The following NOX5 variants were observed in gnomAD, a reference collection of about 807,000 sequenced individuals.
NOX5 encodes NADPH oxidase, EF-hand calcium binding domain 5.
A neutral mutation model predicts 85.7 loss-of-function variants in NOX5; 76 were observed. That is an observed-to-expected ratio of 0.89 (90% CI 0.74 to 1.07). The LOEUF (loss-of-function observed/expected upper bound fraction) is 1.07. NOX5 is among the 50% of genes least tolerant of loss of function. The pLI, the probability that NOX5 is intolerant of heterozygous loss-of-function variation, is 0.00. For synonymous variants in NOX5, 405 were observed against 401.4 expected (o/e 1.01, Z -0.11); for missense variants, 973 against 999.5 (o/e 0.97, Z 0.36).
rs1470648266 is a variant in NOX5, at chr15:69,028,212, C to T, written c.175-3C>T. 5 of 1,596,006 alleles carry T rather than the reference C, an allele frequency of 3.1e-6. No individual in the cohort carries two copies. Among genetic ancestry groups the T allele is most frequent in the Admixed American group, 1.7e-5 (1 of 57,814 alleles). On this transcript the variant is annotated splice_region_variant and splice_polypyrimidine_tract_variant and intron_variant, in intron 2 of 15. Coordinates refer to ENST00000388866, the MANE Select transcript of NOX5 (RefSeq NM_024505.4). Reference sequence around the variant, plus strand: ...TGCTGTCTTCCACCCTTCTCGCCCACAGTCCTTCTTTGCAGAGCGATTCTT... The same window carrying T: ...TGCTGTCTTCCACCCTTCTCGCCCATAGTCCTTCTTTGCAGAGCGATTCTT...
intron 4 of NOX5, 44 bp from the exon 5 acceptor site, chr15:69,032,999 C>G (rs755496702): frequency 1.3e-6 from 2 of 1,523,450 alleles, no homozygotes; most frequent in Admixed American, 2.3e-5. Context: ...CAGGTGGTCC[C>G]CGCCCCACCG....
Position 69,031,772 on chromosome 15 carries a change from C to T in NOX5, c.580C>T (p.Leu194=). The T allele has an allele frequency of 6.2e-7, 1 of 1,606,742 alleles. No homozygotes were observed. ...AITFEELRDE[L]QRFPGVMENL... ...CACCTTCGAGGAGCTCCGGGACGAG[C>T]TGCAGCGCTTCCCCGGAGTCATGGA... The change falls in exon 4 of 16, where the codon CTG becomes TTG. Residue 194 remains leucine, a synonymous_variant. Transcript: ENST00000388866.
At chr15:69,043,704 C>T (rs918417051) in intron 10 of NOX5, 7 of 152,192 alleles carry the variant, frequency 4.6e-5, no homozygotes, top group Non-Finnish European at 1.5e-5. Context: ...CTTTCAAAAT[C>T]AGATGAGTCA....
In NOX5 at chr15:69,028,121, C is replaced by T. The variant is rs1295050566; in HGVS notation, c.175-94C>T. ...ACCGCCACTCTGTGGTGCACCCCCC[C>T]ACCACCACCCCAGACACAGGGAGAC... On this transcript the variant is annotated intron_variant, in intron 2 of 15. Coordinates refer to ENST00000388866, the MANE Select transcript of NOX5 (RefSeq NM_024505.4). 6 of 1,379,516 alleles carry T rather than the reference C, an allele frequency of 4.3e-6. No homozygotes were observed. The Admixed American group carries it at 7.0e-5, about 16-fold the overall frequency. 85.5% of individuals were successfully genotyped at this position (1,379,516 alleles called of 1,614,324 possible).
intron 11 of NOX5, 124 bp from the exon 12 acceptor site, chr15:69,047,289 T>C: frequency 7.6e-7 from 1 of 1,315,044 alleles, no homozygotes; most frequent in Non-Finnish European, 1.0e-6. Context: ...TAGACCTGGC[T>C]TCCAGCCCAG....
chr15:69,048,158 G>T lies in NOX5; in HGVS notation c.1899+247G>T, dbSNP rs311929. The stretch of plus-strand genomic sequence containing the variant: ...TGTTCTTAACATTTCATTAAATGTT[G>T]CAAAGCTTGACAGCTAGGCAGTCTG... On this transcript the variant is annotated intron_variant, in intron 13 of 15. Transcript: ENST00000388866. Among the ~76,000 whole-genome samples, 1,154 of 152,360 alleles carry T rather than the reference G, an allele frequency of 7.6e-3. 10 individuals are homozygous for T. Among genetic ancestry groups the T allele is most frequent in the African/African-American group, 0.025 (1,036 of 41,570 alleles).
At position 69,061,213 on chromosome 15, in the gene NOX5, G is replaced by C. The variant is rs1279385124; in HGVS notation, c.*4517G>C. On this transcript the variant is annotated 3_prime_UTR_variant, in exon 16 of 16. Coordinates refer to ENST00000388866, the MANE Select transcript of NOX5 (RefSeq NM_024505.4). ...CCTGAATATTGATTTGGTATCAAGT[G>C]AAAGTATTTCGGGCCTAAGCCAGGG... 2 of 152,266 alleles carry C rather than the reference G, an allele frequency of 1.3e-5. No individual in the cohort carries two copies. Among genetic ancestry groups the C allele is most frequent in the Non-Finnish European group, 2.9e-5 (2 of 68,044 alleles). The allele number at this position is 152,266 out of a possible 1,614,324, so 9.4% of individuals were successfully genotyped here.
At position 69,037,026 on chromosome 15, in the gene NOX5, A is replaced by AG. The variant is rs755562120; in HGVS notation, c.1189dup. The AG allele has an allele frequency of 6.3e-7, 1 of 1,584,086 alleles. No individual in the cohort carries two copies. The highest frequency in any genetic ancestry group is 8.6e-7 in the Non-Finnish European group (1 of 1,162,534). ...AGTTGACTGCCCCCCCTACCCCCATAGGTGTTCTATTGGACTCACCTGTCC... is the reference window on the plus strand; with the variant it reads ...AGTTGACTGCCCCCCCTACCCCCATAGGGTGTTCTATTGGACTCACCTGTCC... On this transcript the variant is annotated splice_acceptor_variant, in intron 7 of 15. Coordinates refer to ENST00000388866, the MANE Select transcript of NOX5 (RefSeq NM_024505.4). LOFTEE classifies it high-confidence loss of function.
chr15:69,026,773 C>A, intron 2 of NOX5, 122 bp downstream of exon 2: 3 of 1,331,874 alleles, frequency 2.3e-6, no homozygotes, highest in Admixed American at 2.1e-5. Flanking sequence ...CACCTTGTAG[C>A]GGGCTGGCGG....
chr15:69,039,538 G>C (rs2050568113), intron 9 of NOX5, among the ~76,000 whole-genome samples: 1 of 152,208 alleles, frequency 6.6e-6, no homozygotes, highest in African/African-American at 2.4e-5. Context: ...CAGATGGATG[G>C]AGCAGCCAAT....
At chr15:69,017,092 A>G (rs1267965181) in intron 1 of NOX5, among the ~76,000 whole-genome samples, 1 of 152,152 alleles carries the variant, frequency 6.6e-6, no homozygotes, top group Non-Finnish European at 1.5e-5. Context: ...TGAATGACGA[A>G]ACCTTGGTCT....
At position 69,031,620 on chromosome 15, in the gene NOX5, C is replaced by T. The variant is rs775578798; in HGVS notation, c.428C>T (p.Pro143Leu). 1 of 1,613,314 alleles carries T rather than the reference C, an allele frequency of 6.2e-7. No individual in the cohort carries two copies. The highest frequency in any genetic ancestry group is 8.5e-7 in the Non-Finnish European group (1 of 1,180,004). ...GGGACAGGCAGTGGCTCCATTGACCCGGATGAGCTGCGCACTGTGCTGCAG... is the reference window on the plus strand; with the variant it reads ...GGGACAGGCAGTGGCTCCATTGACCTGGATGAGCTGCGCACTGTGCTGCAG... ...PLGTGSGSIDPDELRTVLQSC... is the reference protein window; with the variant it reads ...PLGTGSGSIDLDELRTVLQSC... Residue 143 changes from proline (P) to leucine (L), a missense_variant, in exon 4 of 16, where the codon CCG becomes CTG. By Grantham distance (98) the Pro-to-Leu change is moderately conservative. Transcript: ENST00000388866.
At chr15:69,032,997 C>A in intron 4 of NOX5, 46 bp from the exon 5 acceptor site, 1 of 1,522,176 alleles carries the variant, frequency 6.6e-7, no homozygotes, top group Non-Finnish European at 8.7e-7. Flanking sequence ...CACAGGTGGT[C>A]CCCGCCCCAC....
chr15:69,021,625 T>C lies in NOX5; in HGVS notation c.51-4903T>C, dbSNP rs311909. 8.7e-3 allele frequency among the ~76,000 whole-genome samples: 1,332 copies of C among 152,316 alleles called. 18 individuals carry two copies. Among genetic ancestry groups the C allele is most frequent in the African/African-American group, 0.029 (1,204 of 41,564 alleles). On this transcript the variant is annotated intron_variant, in intron 1 of 15. Transcript: ENST00000388866. ...GCCACCGCACCTAGCCTAACTGTCA[T>C]TTTGAATTCTTAAATAATTATTGGT...
rs1362531178 is a variant in NOX5, at chr15:69,062,315, C to A, written c.*5619C>A. 6 of 151,874 alleles carry A rather than the reference C, an allele frequency of 4.0e-5. No homozygotes were observed. Among genetic ancestry groups the A allele is most frequent in the African/African-American group, 1.4e-4 (6 of 41,406 alleles). 9.4% of individuals were successfully genotyped at this position (151,874 alleles called of 1,614,324 possible). ...AAAGGAAGCTTGGAAGACCACCCAG[C>A]TAACTGGTCTTCCTTTCTCCAGCCT... On this transcript the variant is annotated 3_prime_UTR_variant, in exon 16 of 16. Coordinates refer to ENST00000388866, the MANE Select transcript of NOX5 (RefSeq NM_024505.4).
intron 10 of NOX5, among the ~76,000 whole-genome samples, chr15:69,044,723 C>A (rs540595359): frequency 6.6e-6 from 1 of 152,294 alleles, no homozygotes; most frequent in South Asian, 2.1e-4. Context: ...TCTGTAAGGG[C>A]ATAGAGAAAA....
At chr15:69,017,907 G>A (rs553037150) in intron 1 of NOX5, among the ~76,000 whole-genome samples, 3 of 152,080 alleles carry the variant, frequency 2.0e-5, no homozygotes, top group African/African-American at 7.2e-5. Context: ...CAGCAGGCAC[G>A]AGGCACTTTA....
intron 10 of NOX5, among the ~76,000 whole-genome samples, chr15:69,045,698 T>A (rs1280339839): frequency 2.0e-5 from 3 of 151,784 alleles, no homozygotes; most frequent in Non-Finnish European, 2.9e-5. Context: ...TTTTCTTTCT[T>A]TCCTTTCTCA....
At position 69,014,793 on chromosome 15, in the gene NOX5, G is replaced by T. The variant is rs774402179; in HGVS notation, c.50+8G>T. Reference sequence around the variant, plus strand: ...CCCTGAAGGCTGTAGAGGGTGAGTGGCTCATTTGTCCAGCTTTCCATGCCA... The same window carrying T: ...CCCTGAAGGCTGTAGAGGGTGAGTGTCTCATTTGTCCAGCTTTCCATGCCA... On this transcript the variant is annotated splice_region_variant and intron_variant, in intron 1 of 15. Transcript: ENST00000388866. 1.2e-5 allele frequency: 18 copies of T among 1,542,420 alleles called. No individual in the cohort carries two copies.
Sources: gnomAD v4.1 joint callset for allele counts (sites outside exome capture counted in the v4.1 genomes callset) on GRCh38, gnomAD v4.1.1 for gene constraint, MANE v1.5 for transcripts, NCBI Gene and HGNC (gene_info 2026-07-23, HGNC 2026-07-21) for gene names.